Variants in PITPNC1 observed in about 807,000 individuals in gnomAD.
PITPNC1 encodes phosphatidylinositol transfer protein cytoplasmic 1.
A neutral mutation model predicts 44.7 loss-of-function variants in PITPNC1; 18 were observed. That is an observed-to-expected ratio of 0.40 (90% CI 0.28 to 0.60). PITPNC1 has a LOEUF of 0.60. Ranked by LOEUF, PITPNC1 falls within the 20% of genes least tolerant of loss-of-function variation. PITPNC1 has a pLI of 0.39. For synonymous variants in PITPNC1, 141 were observed against 149.6 expected (o/e 0.94, Z 0.42); for missense variants, 290 against 418.4 (o/e 0.69, Z 2.68).
At chr17:67,462,225 C>CTTTTTTTTTTTTTTTTTTTTTTTT (rs549707875) in intron 1 of PITPNC1, among the ~76,000 whole-genome samples, 3 of 71,256 alleles carry the variant, frequency 4.2e-5, no homozygotes, top group African/African-American at 6.2e-5. Context: ...TTCTTTCTTT[C>CTTTTTTTTTTTTTTTTTTTTTTTT]TTTTTTTTTT....
chr17:67,576,625 C>G (rs369815447), intron 4 of PITPNC1, among the ~76,000 whole-genome samples: 1 of 134,084 alleles, frequency 7.5e-6, no homozygotes, highest in Non-Finnish European at 1.5e-5. Flanking sequence ...TTAGGGCTAG[C>G]TAGAGCGTGG....
intron 4 of PITPNC1, among the ~76,000 whole-genome samples, chr17:67,561,507 A>G (rs192780337): frequency 2.5e-4 from 38 of 151,068 alleles, no homozygotes; most frequent in Non-Finnish European, 3.4e-4. Context: ...GATCTTTTTG[A>G]TCAGTAAGAT....
chr17:67,528,088 C>A (rs1277729088), intron 1 of PITPNC1, among the ~76,000 whole-genome samples: 1 of 152,182 alleles, frequency 6.6e-6, no homozygotes, highest in Non-Finnish European at 1.5e-5. Context: ...GTAGCCCAGG[C>A]TGGAGTGCAG....
In PITPNC1 at chr17:67,692,937, G is replaced by GTT. The variant is rs147971105; in HGVS notation, c.*57_*58dup. On this transcript the variant is annotated 3_prime_UTR_variant, in exon 9 of 9. Coordinates refer to ENST00000581322, the MANE Select transcript of PITPNC1 (RefSeq NM_012417.4). ...TTTTATATTTTCATTTGTTGTTGTTGTTTTTTTTTAAGAATCTTCTGATAG... is the reference window on the plus strand; with the variant it reads ...TTTTATATTTTCATTTGTTGTTGTTGTTTTTTTTTTTAAGAATCTTCTGATAG... 2,613 of 1,101,568 alleles carry GTT rather than the reference G, an allele frequency of 2.4e-3. 1 individual carries two copies. Among genetic ancestry groups the GTT allele is most frequent in the South Asian group, 3.7e-3 (240 of 64,756 alleles). 68.2% of individuals were successfully genotyped at this position (1,101,568 alleles called of 1,614,324 possible).
chr17:67,484,194 A>AG (rs1412495344), intron 1 of PITPNC1, among the ~76,000 whole-genome samples: 1 of 152,124 alleles, frequency 6.6e-6, no homozygotes, highest in African/African-American at 2.4e-5. Flanking sequence ...CTGGGATTAC[A>AG]GGGGCGAGCC....
intron 5 of PITPNC1, among the ~76,000 whole-genome samples, chr17:67,620,334 G>A (rs1279402116): frequency 3.3e-5 from 5 of 152,128 alleles, no homozygotes; most frequent in Admixed American, 6.5e-5. Context: ...GATTACAGGC[G>A]TGAGCCACTG....
At chr17:67,400,423 G>T (rs1488247925) in intron 1 of PITPNC1, among the ~76,000 whole-genome samples, 1 of 152,158 alleles carries the variant, frequency 6.6e-6, no homozygotes, top group Non-Finnish European at 1.5e-5. Flanking sequence ...CTGTGCTTTG[G>T]GAAGTCATTT....
intron 1 of PITPNC1, among the ~76,000 whole-genome samples, chr17:67,437,667 A>G (rs1160415617): frequency 6.6e-6 from 1 of 152,180 alleles, no homozygotes; most frequent in Admixed American, 6.5e-5. Flanking sequence ...TGGCCATTCT[A>G]TAGACCTTCC....
chr17:67,575,878 C>CTTTTTT (rs1568047935), intron 4 of PITPNC1, among the ~76,000 whole-genome samples: 4 of 10,988 alleles, frequency 3.6e-4, no homozygotes, highest in South Asian at 2.0e-3. Flanking sequence ...TTCTTTCTTT[C>CTTTTTT]CTTTTTTTTT....
chr17:67,509,897 G>C (rs1302217756), intron 1 of PITPNC1, among the ~76,000 whole-genome samples: 2 of 152,172 alleles, frequency 1.3e-5, no homozygotes, highest in East Asian at 3.9e-4. Context: ...TCTATGAATG[G>C]ATTTGGAGCT....
chr17:67,548,007 G>A, intron 2 of PITPNC1, among the ~76,000 whole-genome samples: 1 of 152,130 alleles, frequency 6.6e-6, no homozygotes, highest in South Asian at 2.1e-4. Context: ...GCCGCACCCT[G>A]GGCCTCTCTC....
intron 1 of PITPNC1, among the ~76,000 whole-genome samples, chr17:67,530,131 A>T (rs1446708479): frequency 8.4e-6 from 1 of 118,924 alleles, no homozygotes. Flanking sequence ...TCGCTCTGTC[A>T]TCCAGACTAG....
At chr17:67,514,177 A>C (rs894913970) in intron 1 of PITPNC1, among the ~76,000 whole-genome samples, 6 of 152,010 alleles carry the variant, frequency 3.9e-5, no homozygotes, top group Non-Finnish European at 7.4e-5. Flanking sequence ...TACTTGGTGT[A>C]GAATTCACGG....
intron 4 of PITPNC1, among the ~76,000 whole-genome samples, chr17:67,570,323 G>C (rs1389504303): frequency 6.6e-6 from 1 of 152,212 alleles, no homozygotes; most frequent in African/African-American, 2.4e-5. Context: ...ATGGAGCCTG[G>C]GACACGTGGT....
At chr17:67,436,959 G>A (rs1174472576) in intron 1 of PITPNC1, among the ~76,000 whole-genome samples, 1 of 108,234 alleles carries the variant, frequency 9.2e-6, no homozygotes, top group African/African-American at 3.7e-5. Flanking sequence ...CACTCTGCTT[G>A]CCCAGGCTGG....
chr17:67,568,202 C>T (rs909548854), intron 4 of PITPNC1, among the ~76,000 whole-genome samples: 2 of 152,122 alleles, frequency 1.3e-5, no homozygotes, highest in African/African-American at 4.8e-5. Flanking sequence ...CATGCTAGAA[C>T]ATGGATGAGC....
chr17:67,541,628 G>A (rs2040609353), intron 2 of PITPNC1, among the ~76,000 whole-genome samples: 1 of 152,148 alleles, frequency 6.6e-6, no homozygotes, highest in Non-Finnish European at 1.5e-5. Flanking sequence ...AACATACTTG[G>A]AATATTTTTA....
At chr17:67,490,349 T>G (rs1380560520) in intron 1 of PITPNC1, among the ~76,000 whole-genome samples, 1 of 151,932 alleles carries the variant, frequency 6.6e-6, no homozygotes, top group Non-Finnish European at 1.5e-5. Context: ...GTTGGTTTTT[T>G]GTTTTTTGTT....
chr17:67,441,075 T>G (rs2039005793), intron 1 of PITPNC1, among the ~76,000 whole-genome samples: 1 of 152,146 alleles, frequency 6.6e-6, no homozygotes, highest in Non-Finnish European at 1.5e-5. Context: ...ACAGGACATA[T>G]CAGAGTATAG....
Sources: allele counts gnomAD v4.1 joint callset (sites outside exome capture counted in the v4.1 genomes callset), GRCh38; gene constraint gnomAD v4.1.1; transcripts MANE v1.5; gene names NCBI Gene and HGNC (gene_info 2026-07-23, HGNC 2026-07-21).